TMTC3: variants seen among roughly 807,000 people sequenced by gnomAD.
TMTC3 encodes protein O-mannosyl-transferase TMTC3.
A neutral mutation model predicts 92.2 loss-of-function variants in TMTC3; 52 were observed. That is an observed-to-expected ratio of 0.56 (90% CI 0.45 to 0.71). The LOEUF (loss-of-function observed/expected upper bound fraction) is 0.71. Among genes scored for constraint, TMTC3 ranks in the 30% least tolerant of loss-of-function variants. TMTC3 has a pLI of 0.00. For missense variants in TMTC3, 896 were observed against 1,057.1 expected (o/e 0.85, Z 2.11); for synonymous variants, 339 against 363.3 (o/e 0.93, Z 0.76).
rs1357861147 is a variant in TMTC3, at chr12:88,199,887, A to G, written c.*4238A>G. 1.3e-5 allele frequency: 2 copies of G among 152,168 alleles called. No homozygotes were observed. Among genetic ancestry groups the G allele is most frequent in the Non-Finnish European group, 2.9e-5 (2 of 68,022 alleles). The allele number at this position is 152,168 out of a possible 1,614,324, so 9.4% of individuals were successfully genotyped here. A position where few individuals can be genotyped will look rare whatever the true frequency, so the allele number is the denominator to read the frequency against. ...TAAATAAAATAACCCTCAAAAAACC[A>G]TTCTAGTTTGCCCTTTCTTAAAGAC... On this transcript the variant is annotated 3_prime_UTR_variant, in exon 14 of 14. Coordinates refer to ENST00000266712, the MANE Select transcript of TMTC3 (RefSeq NM_181783.4).
chr12:88,149,934 G>A (rs1025175083), intron 2 of TMTC3, among the ~76,000 whole-genome samples: 2 of 151,996 alleles, frequency 1.3e-5, no homozygotes, highest in Non-Finnish European at 1.5e-5. Context: ...TCAGAACTAT[G>A]TGTCCATTCC....
intron 2 of TMTC3, among the ~76,000 whole-genome samples, chr12:88,149,248 T>C (rs1409962077): frequency 6.6e-6 from 1 of 152,142 alleles, no homozygotes; most frequent in Non-Finnish European, 1.5e-5. Context: ...TTTATGAGGG[T>C]ATTTTTACTG....
intron 12 of TMTC3, 144 bp from the exon 13 acceptor site, chr12:88,192,460 T>C: frequency 1.7e-6 from 1 of 585,404 alleles, no homozygotes; most frequent in Non-Finnish European, 3.1e-6. Flanking sequence ...TTTCAAAGAG[T>C]TGTTTTCGAA....
At chr12:88,184,146 A>C (rs1592746874) in intron 10 of TMTC3, among the ~76,000 whole-genome samples, 1 of 152,102 alleles carries the variant, frequency 6.6e-6, no homozygotes, top group Admixed American at 6.5e-5. Flanking sequence ...AGCACCACCA[A>C]CAAGAGAGTG....
chr12:88,198,379 A>G lies in TMTC3; in HGVS notation c.*2730A>G. The G allele has an allele frequency of 2.5e-6, 1 of 397,822 alleles. No individual in the cohort carries two copies. The highest frequency in any genetic ancestry group is 4.4e-6 in the Non-Finnish European group (1 of 225,694). 24.6% of individuals were successfully genotyped at this position (397,822 alleles called of 1,614,324 possible). A position where few individuals can be genotyped will look rare whatever the true frequency, so the allele number is the denominator to read the frequency against. ...TAGTTTTAATTCTCACTGTCTCAAA[A>G]GAGAATCAGCTCTCCAGCAGTTCTA... On this transcript the variant is annotated 3_prime_UTR_variant, in exon 14 of 14. Coordinates refer to ENST00000266712, the MANE Select transcript of TMTC3 (RefSeq NM_181783.4).
chr12:88,143,194 T>A (rs2040791031), intron 1 of TMTC3, among the ~76,000 whole-genome samples: 3 of 151,786 alleles, frequency 2.0e-5, no homozygotes, highest in South Asian at 4.2e-4. Flanking sequence ...AAAAAAAAAA[T>A]TACTGTACTT....
At chr12:88,188,532 C>A (rs2041403943) in intron 10 of TMTC3, among the ~76,000 whole-genome samples, 1 of 152,150 alleles carries the variant, frequency 6.6e-6, no homozygotes, top group African/African-American at 2.4e-5. Context: ...TATGTCTCAA[C>A]TCTTCAAAAA....
intron 10 of TMTC3, among the ~76,000 whole-genome samples, chr12:88,184,137 G>C (rs1661890108): frequency 6.6e-6 from 1 of 152,122 alleles, no homozygotes; most frequent in Non-Finnish European, 1.5e-5. Context: ...GCATGGCTCA[G>C]CACCACCAAC....
intron 2 of TMTC3, among the ~76,000 whole-genome samples, chr12:88,150,878 A>C (rs2040934654): frequency 6.6e-6 from 1 of 152,184 alleles, no homozygotes; most frequent in Non-Finnish European, 1.5e-5. Context: ...CCTAAGCCAT[A>C]TAAATACTGC....
chr12:88,143,680 C>T lies in TMTC3; in HGVS notation c.-29+1193C>T, dbSNP rs116109925. ...TACTCAATAATTTGAATTAAACATTCTTCATGTTCAGTGTTCTTAATTCAT... is the reference window on the plus strand; with the variant it reads ...TACTCAATAATTTGAATTAAACATTTTTCATGTTCAGTGTTCTTAATTCAT... On this transcript the variant is annotated intron_variant, in intron 1 of 13. Transcript: ENST00000266712. Among the ~76,000 whole-genome samples, 1,248 of 152,240 alleles carry T rather than the reference C, an allele frequency of 8.2e-3. 24 individuals carry two copies. Among genetic ancestry groups the T allele is most frequent in the African/African-American group, 0.028 (1,177 of 41,534 alleles).
chr12:88,170,316 G>C (rs1425842992), intron 7 of TMTC3, among the ~76,000 whole-genome samples: 1 of 151,950 alleles, frequency 6.6e-6, no homozygotes, highest in Non-Finnish European at 1.5e-5. Context: ...AATTGCCTTG[G>C]GGCGGCCATG....
Position 88,148,269 on chromosome 12 carries a change from T to A in TMTC3, c.-28-19T>A. The A allele has an allele frequency of 6.8e-7, 1 of 1,479,782 alleles. No individual in the cohort carries two copies. Among genetic ancestry groups the A allele is most frequent in the Non-Finnish European group, 9.2e-7 (1 of 1,081,352 alleles). 91.7% of individuals were successfully genotyped at this position (1,479,782 alleles called of 1,614,324 possible). ...GAATAAATATGTTCCTTATTTTATC[T>A]TCATGATTTTTTTTCCAGTTTTTGT... On this transcript the variant is annotated intron_variant, in intron 1 of 13. Coordinates refer to ENST00000266712, the MANE Select transcript of TMTC3 (RefSeq NM_181783.4).
chr12:88,166,192 G>A, intron 6 of TMTC3, 138 bp from the exon 7 acceptor site: 1 of 802,432 alleles, frequency 1.2e-6, no homozygotes, highest in African/African-American at 1.8e-5. Context: ...AAGAGTCTGA[G>A]GTACACATAA....
intron 1 of TMTC3, among the ~76,000 whole-genome samples, chr12:88,146,742 TTAAA>T (rs1233613301): frequency 1.3e-5 from 2 of 150,792 alleles, no homozygotes; most frequent in Admixed American, 6.6e-5. Context: ...TTCTCAGTAC[TTAAA>T]TAACTGATTA....
intron 6 of TMTC3, among the ~76,000 whole-genome samples, chr12:88,165,142 G>A (rs2041129949): frequency 1.3e-5 from 2 of 151,922 alleles, no homozygotes; most frequent in Non-Finnish European, 2.9e-5. Context: ...GGTGCTTATA[G>A]CATATAAATA....
rs1297937775 is a variant in TMTC3 at position 88,192,842 on chromosome 12, C to T, written c.1933+12C>T. ...AATGCAAGAATCAGGTATGTTTTCT[C>T]AAAATATTTCTGTTTATATAAATTG... On this transcript the variant is annotated intron_variant, in intron 13 of 13. Coordinates refer to ENST00000266712, the MANE Select transcript of TMTC3 (RefSeq NM_181783.4). 6.3e-7 allele frequency: 1 copy of T among 1,586,140 alleles called. No individual in the cohort carries two copies. Among genetic ancestry groups the T allele is most frequent in the African/African-American group, 1.4e-5 (1 of 73,924 alleles).
chr12:88,166,221 G>A (rs951704510), intron 6 of TMTC3, 109 bp from the exon 7 acceptor site: 1 of 1,117,912 alleles, frequency 8.9e-7, no homozygotes, highest in Non-Finnish European at 1.2e-6. Context: ...TGTGTCTTCT[G>A]TTTAATAAGA....
chr12:88,150,411 TGATATAA>T (rs1380933905), intron 2 of TMTC3, among the ~76,000 whole-genome samples: 2 of 152,162 alleles, frequency 1.3e-5, no homozygotes, highest in East Asian at 3.9e-4. Flanking sequence ...GATTACATTT[TGATATAA>T]GATTTGGGCA....
intron 11 of TMTC3, among the ~76,000 whole-genome samples, chr12:88,189,742 A>C: frequency 6.6e-6 from 1 of 152,156 alleles, no homozygotes; most frequent in East Asian, 1.9e-4. Context: ...AATTTATTCC[A>C]GAATACTAAG....
Sources: gnomAD v4.1 joint callset for allele counts (sites outside exome capture counted in the v4.1 genomes callset) on GRCh38, gnomAD v4.1.1 for gene constraint, MANE v1.5 for transcripts, NCBI Gene and HGNC (gene_info 2026-07-23, HGNC 2026-07-21) for gene names.